Variants in SH3GL3 observed in about 807,000 individuals in gnomAD.
SH3GL3 encodes the protein endophilin-A3.
SH3GL3 carries 33 observed loss-of-function variants against 47.7 expected under a neutral mutation model. The ratio of observed to expected loss-of-function variants is 0.69; its 90% CI spans 0.52 to 0.92. The LOEUF is 0.92. SH3GL3 is among the 40% of genes least tolerant of loss of function. The pLI is 0.00. For missense variants in SH3GL3, 363 were observed against 417.8 expected (o/e 0.87, Z 1.14); for synonymous variants, 155 against 148.8 (o/e 1.04, Z -0.30).
intron 8 of SH3GL3, among the ~76,000 whole-genome samples, chr15:83,613,972 C>A (rs2060744262): frequency 6.6e-6 from 1 of 152,086 alleles, no homozygotes; most frequent in Non-Finnish European, 1.5e-5. Flanking sequence ...TGGCACCTGA[C>A]CCCTTCTCTG....
intron 8 of SH3GL3, among the ~76,000 whole-genome samples, chr15:83,593,293 A>C (rs2060153988): frequency 6.6e-6 from 1 of 152,218 alleles, no homozygotes. Flanking sequence ...AGAGGAATTG[A>C]TAGCTTAACA....
intron 3 of SH3GL3, among the ~76,000 whole-genome samples, chr15:83,567,563 C>T (rs2045607425): frequency 6.6e-6 from 1 of 152,136 alleles, no homozygotes; most frequent in Non-Finnish European, 1.5e-5. Flanking sequence ...TGAGCTGCAC[C>T]TTGGGACCAG....
chr15:83,623,153 G>T (rs1053044078), downstream of SH3GL3, among the ~76,000 whole-genome samples: 94 of 152,204 alleles, frequency 6.2e-4, no homozygotes, highest in African/African-American at 2.1e-3. Flanking sequence ...ACCAGAAAAT[G>T]AATATGGAGG....
intron 1 of SH3GL3, among the ~76,000 whole-genome samples, chr15:83,464,426 A>G (rs552175583): frequency 1.1e-4 from 16 of 152,262 alleles, no homozygotes; most frequent in East Asian, 1.9e-4. Flanking sequence ...CACAAAATCT[A>G]TACATTGATT....
intron 8 of SH3GL3, among the ~76,000 whole-genome samples, chr15:83,594,732 G>C (rs1229197774): frequency 6.6e-6 from 1 of 152,140 alleles, no homozygotes; most frequent in East Asian, 1.9e-4. Flanking sequence ...TCTTTACATG[G>C]TTAGACTGGA....
intron 1 of SH3GL3, among the ~76,000 whole-genome samples, chr15:83,508,406 C>T (rs779375790): frequency 6.6e-6 from 1 of 151,304 alleles, no homozygotes; most frequent in Non-Finnish European, 1.5e-5. Context: ...TGGAGGTGTT[C>T]GAGGATCATG....
chr15:83,582,621 G>T (rs986832652), intron 6 of SH3GL3, among the ~76,000 whole-genome samples: 1 of 152,102 alleles, frequency 6.6e-6, no homozygotes, highest in Non-Finnish European at 1.5e-5. Context: ...TTATTTGACC[G>T]CAGAATTCCG....
the SH3GL3 span, among the ~76,000 whole-genome samples, chr15:83,627,121 G>T: frequency 6.6e-6 from 1 of 152,112 alleles, no homozygotes; most frequent in African/African-American, 2.4e-5. Flanking sequence ...AAGGGGCTGG[G>T]CGCGGTGGCT....
At chr15:83,566,847 A>G (rs1405666135) in intron 3 of SH3GL3, among the ~76,000 whole-genome samples, 1 of 152,216 alleles carries the variant, frequency 6.6e-6, no homozygotes, top group African/African-American at 2.4e-5. Context: ...CGGGAATGTC[A>G]CTACTCACAG....
intron 1 of SH3GL3, among the ~76,000 whole-genome samples, chr15:83,541,095 G>A (rs1410028288): frequency 6.6e-6 from 1 of 152,018 alleles, no homozygotes; most frequent in African/African-American, 2.4e-5. Flanking sequence ...ACTTCCATCT[G>A]TGTTGTTGCA....
chr15:83,450,506 C>G (rs1199843005), intron 1 of SH3GL3, among the ~76,000 whole-genome samples: 1 of 151,994 alleles, frequency 6.6e-6, no homozygotes, highest in Non-Finnish European at 1.5e-5. Context: ...TTTCCTGATA[C>G]CTTCCCTATC....
chr15:83,470,054 T>C (rs2040760862), intron 1 of SH3GL3, among the ~76,000 whole-genome samples: 1 of 152,220 alleles, frequency 6.6e-6, no homozygotes, highest in Non-Finnish European at 1.5e-5. Context: ...TACTATCATA[T>C]AATGTTCCTG....
At chr15:83,628,496 A>G in the SH3GL3 span, among the ~76,000 whole-genome samples, 1 of 152,178 alleles carries the variant, frequency 6.6e-6, no homozygotes, top group Non-Finnish European at 1.5e-5. Context: ...TAATCCCAGC[A>G]TTTTGGGAGG....
At chr15:83,491,598 T>G (rs2151582824) in intron 1 of SH3GL3, among the ~76,000 whole-genome samples, 1 of 152,326 alleles carries the variant, frequency 6.6e-6, no homozygotes, top group East Asian at 1.9e-4. Context: ...ACTGTTCTGG[T>G]GTGCAAGTTG....
chr15:83,594,557 G>A (rs2060192187), intron 8 of SH3GL3, among the ~76,000 whole-genome samples: 2 of 152,078 alleles, frequency 1.3e-5, no homozygotes, highest in South Asian at 4.1e-4. Flanking sequence ...TTCTGTTCTA[G>A]GATCCTATCC....
At chr15:83,533,679 C>T (rs2043780035) in intron 1 of SH3GL3, among the ~76,000 whole-genome samples, 1 of 152,112 alleles carries the variant, frequency 6.6e-6, no homozygotes, top group African/African-American at 2.4e-5. Context: ...GGTGTGTGCT[C>T]CCTTTGAGTC....
At chr15:83,562,024 ACACACAACAC>A (rs1304073516) in intron 2 of SH3GL3, among the ~76,000 whole-genome samples, 3 of 126,066 alleles carry the variant, frequency 2.4e-5, no homozygotes, top group African/African-American at 8.8e-5. Context: ...ACAGACACAC[ACACACAACAC>A]ACACACACAC....
At chr15:83,468,224 T>G (rs1318689192) in intron 1 of SH3GL3, among the ~76,000 whole-genome samples, 3 of 152,242 alleles carry the variant, frequency 2.0e-5, no homozygotes, top group Admixed American at 6.5e-5. Flanking sequence ...CCTGTGACCT[T>G]GCAGAACTTA....
At chr15:83,603,103 A>G (rs1293048806) in intron 8 of SH3GL3, among the ~76,000 whole-genome samples, 3 of 152,008 alleles carry the variant, frequency 2.0e-5, no homozygotes, top group East Asian at 1.9e-4. Flanking sequence ...AGGTTCAAGC[A>G]ATTCTTGTGC....
Sources: allele counts gnomAD v4.1 joint callset (sites outside exome capture counted in the v4.1 genomes callset), GRCh38; gene constraint gnomAD v4.1.1; transcripts MANE v1.5; gene names NCBI Gene and HGNC (gene_info 2026-07-23, HGNC 2026-07-21).